EIF5B: variants seen among roughly 807,000 people sequenced by gnomAD.
The protein encoded by EIF5B is eukaryotic translation initiation factor 5B, also known as eIF-5B.
Under a neutral mutation model 147.5 loss-of-function variants are expected in EIF5B, and 47 were observed. That is an observed-to-expected ratio of 0.32 (90% CI 0.25 to 0.41). The LOEUF (loss-of-function observed/expected upper bound fraction) is 0.41, where lower values mean the gene tolerates loss of function less well. EIF5B is among the 10% of genes least tolerant of loss of function. The pLI is 1.00. For synonymous variants in EIF5B, 455 were observed against 456.2 expected, an observed-to-expected ratio of 1.00 and a Z score of 0.03; for missense variants, 1,064 against 1,413.2, an observed-to-expected ratio of 0.75 and a Z score of 3.96.
chr2:99,340,331 A>C (rs574186019), intron 1 of EIF5B, among the ~76,000 whole-genome samples: 5 of 152,340 alleles, frequency 3.3e-5, no homozygotes, highest in African/African-American at 9.6e-5. Context: ...AGAAAGTCCA[A>C]TTTTAGGATT....
chr2:99,399,197 T>TA, intron 23 of EIF5B, 110 bp from the exon 24 acceptor site: 1 of 1,076,408 alleles, frequency 9.3e-7, no homozygotes, highest in Non-Finnish European at 1.3e-6. Context: ...CCCTGTTTTT[T>TA]ATTTCTGCTT....
At chr2:99,339,167 C>T (rs1410138983) in intron 1 of EIF5B, among the ~76,000 whole-genome samples, 1 of 151,618 alleles carries the variant, frequency 6.6e-6, no homozygotes, top group Non-Finnish European at 1.5e-5. Context: ...GCATGCACCA[C>T]CACATCCGGC....
chr2:99,397,063 G>A, intron 22 of EIF5B, 165 bp downstream of exon 22: 1 of 713,502 alleles, frequency 1.4e-6, no homozygotes, highest in Non-Finnish European at 2.0e-6. Context: ...ACCTCAGTAG[G>A]AAGAAAATGT....
At chr2:99,348,559 T>C (rs1003458168) in intron 1 of EIF5B, among the ~76,000 whole-genome samples, 3 of 152,220 alleles carry the variant, frequency 2.0e-5, no homozygotes, top group Non-Finnish European at 2.9e-5. Context: ...TGGGACTGAA[T>C]TTCCCGGTTT....
rs769030576 is a variant in EIF5B at position 99,337,525 on chromosome 2, G to A, written c.-30G>A. ...GGGTCTGTGAGAGACCGAATAGAGGGGCTGGGGCCACGAGCGCCATTGACA... is the reference window on the plus strand; with the variant it reads ...GGGTCTGTGAGAGACCGAATAGAGGAGCTGGGGCCACGAGCGCCATTGACA... On this transcript the variant is annotated 5_prime_UTR_variant, in exon 1 of 24. Transcript: ENST00000289371. The A allele has an allele frequency of 4.4e-5, 71 of 1,609,876 alleles. No homozygotes were observed. In the Admixed American group the frequency reaches 5.0e-4, roughly 11 times the overall value.
intron 12 of EIF5B, among the ~76,000 whole-genome samples, chr2:99,381,232 A>G (rs1674680783): frequency 6.6e-6 from 1 of 152,234 alleles, no homozygotes; most frequent in African/African-American, 2.4e-5. Flanking sequence ...TTATTCCACC[A>G]GTTGCCAGAA....
intron 6 of EIF5B, among the ~76,000 whole-genome samples, chr2:99,365,304 T>A (rs1286860908): frequency 6.6e-6 from 1 of 152,174 alleles, no homozygotes; most frequent in East Asian, 1.9e-4. Context: ...GATGAAGAAA[T>A]GGTGGTTCAG....
In EIF5B at chr2:99,379,026, G is replaced by A. The variant is rs200234310; in HGVS notation, c.1850G>A (p.Arg617Gln). ...TTTTTTTTTTATTTCTAGAAACGGCGACTTGAACATAGTAAAAATGTAAAC... is the reference window on the plus strand; with the variant it reads ...TTTTTTTTTTATTTCTAGAAACGGCAACTTGAACATAGTAAAAATGTAAAC... ...DKAKRRIEKR[R>Q]LEHSKNVNTE... The change falls in exon 11 of 24, where the codon CGA (arginine) becomes CAA (glutamine). Residue 617 changes from arginine (R) to glutamine (Q), a missense_variant. Physicochemically the swap from Arg to Gln is conservative, Grantham distance 43. Around this residue, in one of 4 missense-constraint regions of EIF5B, gnomAD observed 195 missense variants for 186.3 expected, o/e 1.05. Coordinates refer to ENST00000289371, the MANE Select transcript of EIF5B (RefSeq NM_015904.4). 34 of 1,529,778 alleles carry A rather than the reference G, an allele frequency of 2.2e-5. No homozygotes were observed. The highest frequency in any genetic ancestry group is 6.9e-5 in the East Asian group (3 of 43,332). 94.8% of individuals were successfully genotyped at this position (1,529,778 alleles called of 1,614,324 possible).
chr2:99,389,606 C>A (rs1674881214), intron 14 of EIF5B, 112 bp from the exon 15 acceptor site: 4 of 641,130 alleles, frequency 6.2e-6, no homozygotes, highest in South Asian at 3.8e-5. Flanking sequence ...ATGAGTAAGT[C>A]ACACTGTTCT....
At chr2:99,373,183 A>G (rs1674489845) in intron 9 of EIF5B, among the ~76,000 whole-genome samples, 3 of 152,276 alleles carry the variant, frequency 2.0e-5, no homozygotes, top group East Asian at 1.9e-4. Context: ...ATCTTTTTCT[A>G]TCTTTATGAC....
At chr2:99,343,304 G>T (rs2094264784) in intron 1 of EIF5B, among the ~76,000 whole-genome samples, 1 of 150,714 alleles carries the variant, frequency 6.6e-6, no homozygotes, top group African/African-American at 2.4e-5. Context: ...ATATAGTCTG[G>T]ATACTAGATC....
At chr2:99,389,479 G>T (rs1674878582) in intron 14 of EIF5B, 2 of 282,590 alleles carry the variant, frequency 7.1e-6, no homozygotes, top group Non-Finnish European at 1.3e-5. Flanking sequence ...CAAACAAATG[G>T]CAGCCACTTA....
Position 99,390,290 on chromosome 2 carries a change from A to G in EIF5B, c.2475A>G (p.Ala825=). Residue 825 remains alanine (A), a synonymous_variant, in exon 16 of 24, where the codon GCA becomes GCG. Transcript: ENST00000289371. ...TTGTGTCTTTGGTACCTACCTCTGC[A>G]CATACTGGTGATGGCATGGGAAGTC... ...RTFVSLVPTS[A]HTGDGMGSLI... 1 of 1,614,118 alleles carries G rather than the reference A, an allele frequency of 6.2e-7. No individual in the cohort carries two copies. Among genetic ancestry groups the G allele is most frequent in the Non-Finnish European group, 8.5e-7 (1 of 1,180,008 alleles).
intron 14 of EIF5B, among the ~76,000 whole-genome samples, chr2:99,384,405 AG>A (rs1674756481): frequency 6.6e-6 from 1 of 152,188 alleles, no homozygotes; most frequent in Non-Finnish European, 1.5e-5. Flanking sequence ...GAGACACACA[AG>A]GAGATTAATG....
chr2:99,361,506 A>G lies in EIF5B; in HGVS notation c.605A>G (p.Lys202Arg), dbSNP rs1674214027. The G allele has an allele frequency of 1.2e-6, 2 of 1,613,928 alleles. No homozygotes were observed. The highest frequency in any genetic ancestry group is 1.7e-6 in the Non-Finnish European group (2 of 1,180,012). Reference sequence around the variant, plus strand: ...TTGCAATCTAGAAAAGGACAGAAAAAAAATCAGAAAAACAAGCCAGGTCCT... The same window carrying G: ...TTGCAATCTAGAAAAGGACAGAAAAGAAATCAGAAAAACAAGCCAGGTCCT... The part of the protein sequence containing the change: ...EFLQSRKGQK[K>R]NQKNKPGPNI... Residue 202 changes from lysine (K) to arginine (R), a missense_variant, in exon 4 of 24, where the codon AAA (lysine) becomes AGA (arginine). By Grantham distance (26) the Lys-to-Arg change is conservative. Transcript: ENST00000289371.
At chr2:99,366,088 TACACAC>T (rs3838486) in intron 6 of EIF5B, among the ~76,000 whole-genome samples, 1 of 151,846 alleles carries the variant, frequency 6.6e-6, no homozygotes, top group African/African-American at 2.4e-5. Flanking sequence ...ACTAAGCATA[TACACAC>T]ACACACATAT....
Position 99,363,718 on chromosome 2 carries a change from GA to G in EIF5B, c.995del (p.Lys332ArgfsTer35). 6.2e-7 allele frequency: 1 copy of G among 1,604,726 alleles called. No individual in the cohort carries two copies. The highest frequency in any genetic ancestry group is 8.5e-7 in the Non-Finnish European group (1 of 1,177,916). ...GAGAAAAGGAAGAAAAAGAGAAAGA[GA>G]AGAAAAAAGGACCTAGCAAAGCCAC... is the stretch of plus-strand genomic sequence containing the variant. Reference protein sequence around the residue: ...KGEKEEKEKEKKKGPSKATVK... With the variant: ...KGEKEEKEKEXKKGPSKATVK... On this transcript the variant is annotated frameshift_variant, in exon 5 of 24. Coordinates refer to ENST00000289371, the MANE Select transcript of EIF5B (RefSeq NM_015904.4). LOFTEE classifies it high-confidence loss of function.
Position 99,382,879 on chromosome 2 carries a change from T to G in EIF5B, c.2229T>G (p.Leu743=), listed in dbSNP as rs371240650. Residue 743 remains leucine, a synonymous_variant, in exon 14 of 24, where the codon CTT becomes CTG. Coordinates refer to ENST00000289371, the MANE Select transcript of EIF5B (RefSeq NM_015904.4). ...LEPQTIESIN[L]LKSKKCPFIV... Reference sequence around the variant, plus strand: ...CCCAGACAATTGAGTCTATCAACCTTCTCAAATCTAAAAAATGTCCCTTCA... The same window carrying G: ...CCCAGACAATTGAGTCTATCAACCTGCTCAAATCTAAAAAATGTCCCTTCA... 2.5e-5 allele frequency: 40 copies of G among 1,610,712 alleles called. No individual in the cohort carries two copies. In the African/African-American group the frequency reaches 4.9e-4, roughly 20 times the overall value.
intron 1 of EIF5B, among the ~76,000 whole-genome samples, chr2:99,356,130 G>A (rs928392186): frequency 2.8e-4 from 42 of 152,110 alleles, no homozygotes; most frequent in African/African-American, 9.6e-4. Flanking sequence ...CTGTTCCAGG[G>A]TCCTATACAG....
Sources: gnomAD v4.1 joint callset for allele counts (sites outside exome capture counted in the v4.1 genomes callset) on GRCh38, gnomAD v4.1.1 for gene constraint, gnomAD v4.1.1 regional missense constraint, MANE v1.5 for transcripts, NCBI Gene and HGNC (gene_info 2026-07-23, HGNC 2026-07-21) for gene names.